The following CCAR2 variants were observed in gnomAD, a reference collection of about 807,000 sequenced individuals.
The protein encoded by CCAR2 is cell cycle and apoptosis regulator 2, also known as cell cycle and apoptosis regulator protein 2.
In CCAR2, 21 loss-of-function variants were observed where a neutral mutation model predicts 108.1. That is an observed-to-expected ratio of 0.19 (90% confidence interval 0.14 to 0.28). The LOEUF (loss-of-function observed/expected upper bound fraction) is 0.28, where lower values mean the gene tolerates loss of function less well. CCAR2 is among the 10% of genes least tolerant of loss of function. CCAR2 has a pLI of 1.00. For missense variants in CCAR2, 1,126 were observed against 1,177.0 expected (o/e 0.96, Z 0.63); for synonymous variants, 577 against 472.8 (o/e 1.22, Z -2.86).
intron 1 of CCAR2, 152 bp from the exon 2 acceptor site, chr8:22,605,584 T>G: frequency 1.7e-6 from 1 of 596,804 alleles, no homozygotes; most frequent in Non-Finnish European, 3.0e-6. Flanking sequence ...CATTTCTTTC[T>G]TCTCTATATT....
Position 22,614,381 on chromosome 8 carries a change from C to G in CCAR2, c.928-9C>G, listed in dbSNP as rs200771551. 1.2e-6 allele frequency: 2 copies of G among 1,614,012 alleles called. No individual in the cohort carries two copies. Among genetic ancestry groups the G allele is most frequent in the East Asian group, 2.2e-5 (1 of 44,894 alleles). On this transcript the variant is annotated splice_polypyrimidine_tract_variant and intron_variant, in intron 9 of 20. Transcript: ENST00000308511. ...CTGAAGGCAGCTCTGAGTGTCTCCT[C>G]CTGCACAGGTACTGCTGCTCTCTTC...
Position 22,617,752 on chromosome 8 carries a change from A to G in CCAR2, c.2047A>G (p.Met683Val). 1.2e-6 allele frequency: 2 copies of G among 1,613,882 alleles called. No homozygotes were observed. The highest frequency in any genetic ancestry group is 1.7e-6 in the Non-Finnish European group (2 of 1,180,006). ...GTCCGTTGCCTCAAACCAGTCAGAG[A>G]TGGAGTTCTCTTCACTTCAGGACAT... ...VRSVASNQSEMEFSSLQDMPK... is the reference protein window; with the variant it reads ...VRSVASNQSEVEFSSLQDMPK... Residue 683 changes from methionine to valine, a missense_variant, in exon 16 of 21, where the codon ATG becomes GTG. Coordinates refer to ENST00000308511, the MANE Select transcript of CCAR2 (RefSeq NM_001393997.1).
At position 22,617,359 on chromosome 8, in the gene CCAR2, T is replaced by C. The variant is rs555193040; in HGVS notation, c.1846-61T>C. On this transcript the variant is annotated intron_variant, in intron 14 of 20. Coordinates refer to ENST00000308511, the MANE Select transcript of CCAR2 (RefSeq NM_001393997.1). ...TTGATACTCAGGTGTCAGCCATGCT[T>C]ACTATTGGTAATTATGGTAACTGCC... 7 of 1,510,682 alleles carry C rather than the reference T, an allele frequency of 4.6e-6. No homozygotes were observed. The East Asian group carries it at 1.6e-4, about 34-fold the overall frequency. The allele number at this position is 1,510,682 out of a possible 1,614,324, so 93.6% of individuals were successfully genotyped here.
At position 22,614,824 on chromosome 8, in the gene CCAR2, A is replaced by G. The variant is rs1467174485; in HGVS notation, c.1042-14A>G. 1 of 1,613,790 alleles carries G rather than the reference A, an allele frequency of 6.2e-7. No individual in the cohort carries two copies. ...TGTAGTTTTTTGTTTTGTATCCCTG[A>G]TCTCTTCTTGCAGTTTTTGCTGGGC... On this transcript the variant is annotated splice_polypyrimidine_tract_variant and intron_variant, in intron 10 of 20. Transcript: ENST00000308511.
In CCAR2 at chr8:22,620,091, G is replaced by A; in HGVS notation, c.*409G>A. ...ACGGAACTGAAGAGCAAGACATGGA[G>A]CCTGGCTGGGGCTAAGCAGCCCCCT... On this transcript the variant is annotated 3_prime_UTR_variant, in exon 21 of 21. Transcript: ENST00000308511. The A allele has an allele frequency of 5.1e-6, 1 of 194,292 alleles. No individual in the cohort carries two copies. The highest frequency in any genetic ancestry group is 9.7e-5 in the South Asian group (1 of 10,280). The allele number at this position is 194,292 out of a possible 1,614,324, so 12.0% of individuals were successfully genotyped here.
At position 22,619,803 on chromosome 8, in the gene CCAR2, C is replaced by A; in HGVS notation, c.*121C>A. The stretch of plus-strand genomic sequence containing the variant: ...GGGAGCCAGGGCAGGGGTGGCTGAC[C>A]CCATGCTCAGCCTCTAGGGGACGGC... On this transcript the variant is annotated 3_prime_UTR_variant, in exon 21 of 21. Transcript: ENST00000308511. 9.2e-7 allele frequency: 1 copy of A among 1,091,706 alleles called. No individual in the cohort carries two copies. Among genetic ancestry groups the A allele is most frequent in the South Asian group, 1.4e-5 (1 of 72,842 alleles). The allele number at this position is 1,091,706 out of a possible 1,614,324, so 67.6% of individuals were successfully genotyped here. A position where few individuals can be genotyped will look rare whatever the true frequency, so the allele number is the denominator to read the frequency against.
At chr8:22,613,352 GTTC>G (rs1230419878) in intron 8 of CCAR2, among the ~76,000 whole-genome samples, 10 of 114,194 alleles carry the variant, frequency 8.8e-5, no homozygotes, top group Admixed American at 5.2e-4. Context: ...ATTAGATCTA[GTTC>G]TTTTTTTTTT....
At position 22,615,008 on chromosome 8, in the gene CCAR2, G is replaced by A; in HGVS notation, c.1205+7G>A. ...TGAGCGGCTGTACCAAGTGGTGAGT[G>A]GGCTTCCTGAGCCTCAGCTGCACCA... On this transcript the variant is annotated splice_region_variant and intron_variant, in intron 11 of 20. Coordinates refer to ENST00000308511, the MANE Select transcript of CCAR2 (RefSeq NM_001393997.1). 1.3e-6 allele frequency: 2 copies of A among 1,555,092 alleles called. No individual in the cohort carries two copies. The highest frequency in any genetic ancestry group is 1.7e-6 in the Non-Finnish European group (2 of 1,148,488).
At chr8:22,606,807 C>A in intron 4 of CCAR2, 103 bp from the exon 5 acceptor site, 1 of 1,481,760 alleles carries the variant, frequency 6.7e-7, no homozygotes, top group Non-Finnish European at 9.4e-7. Flanking sequence ...TGTTTTTGTG[C>A]AAGGTGTGGG....
chr8:22,605,004 C>T (rs1801010083), intron 1 of CCAR2, 162 bp downstream of exon 1: 1 of 309,180 alleles, frequency 3.2e-6, no homozygotes, highest in South Asian at 2.4e-5. Flanking sequence ...CGGCCTCGGC[C>T]TTGGGGGCGG....
Position 22,617,478 on chromosome 8 carries a change from C to T in CCAR2, c.1904C>T (p.Pro635Leu), listed in dbSNP as rs200378794. ...TCTGGGGGAGAGGAAGAAGAAAAAC[C>T]CCGGGGCGAGGCTTCTGAGGACCTG... ...LSSGGEEEEK[P>L]RGEASEDLCE... The change falls in exon 15 of 21, where the codon CCC becomes CTC. Residue 635 changes from proline (P) to leucine (L), a missense_variant. By Grantham distance (98) the Pro-to-Leu change is moderately conservative. Transcript: ENST00000308511. 1.2e-5 allele frequency: 19 copies of T among 1,603,932 alleles called. No homozygotes were observed. The South Asian group carries it at 1.9e-4, about 16-fold the overall frequency.
chr8:22,606,032 C>T (rs1801065079), intron 2 of CCAR2, 53 bp from the exon 3 acceptor site: 4 of 1,506,542 alleles, frequency 2.7e-6, no homozygotes, highest in Non-Finnish European at 2.8e-6. Context: ...TTGGTTGACT[C>T]GTGCTTAAGG....
rs1801405939 is a variant in CCAR2, at chr8:22,614,220, C to G, written c.833C>G (p.Pro278Arg). 1 of 1,614,092 alleles carries G rather than the reference C, an allele frequency of 6.2e-7. No individual in the cohort carries two copies. Among genetic ancestry groups the G allele is most frequent in the Non-Finnish European group, 8.5e-7 (1 of 1,180,048 alleles). The change falls in exon 9 of 21, where the codon CCA (proline) becomes CGA (arginine). Residue 278 changes from proline (P) to arginine (R), a missense_variant. Pro to Arg is a moderately radical substitution (Grantham distance 103). This residue lies in a region of CCAR2 where 1,013 missense variants were observed against 993.9 expected (regional missense o/e 1.02). Transcript: ENST00000308511. ...PLSQPFSLHH[P>R]SRIQVSSEKE... The stretch of plus-strand genomic sequence containing the variant: ...AGCCAGCCCTTTTCCCTCCATCATC[C>G]AAGCCGGATCCAGGTCTCTTCTGAA...
Position 22,618,356 on chromosome 8 carries a change from A to T in CCAR2, c.2081A>T (p.Glu694Val). Residue 694 changes from glutamate to valine, a missense_variant, in exon 17 of 21, where the codon GAG (glutamate) becomes GTG (valine). Coordinates refer to ENST00000308511, the MANE Select transcript of CCAR2 (RefSeq NM_001393997.1). ...TCTTTGTTTTCTTTGCAGCCCAAGG[A>T]GCTGGATCCCTCTGCTGTGCTCCCC... ...EFSSLQDMPK[E>V]LDPSAVLPLD... 1 of 1,614,190 alleles carries T rather than the reference A, an allele frequency of 6.2e-7. No homozygotes were observed. The highest frequency in any genetic ancestry group is 8.5e-7 in the Non-Finnish European group (1 of 1,180,036).
chr8:22,616,866 C>CTTTTT lies in CCAR2; in HGVS notation c.1846-528_1846-524dup, dbSNP rs36086286. 9.9e-4 allele frequency among the ~76,000 whole-genome samples: 54 copies of CTTTTT among 54,732 alleles called. 16 individuals are homozygous for CTTTTT. Among genetic ancestry groups the CTTTTT allele is most frequent in the East Asian group, 5.8e-3 (9 of 1,550 alleles). The allele number at this position is 54,732 out of a possible 152,430, so 35.9% of individuals were successfully genotyped here. On this transcript the variant is annotated intron_variant, in intron 14 of 20. Coordinates refer to ENST00000308511, the MANE Select transcript of CCAR2 (RefSeq NM_001393997.1). ...AAACCTTTTCTAAAATACTAGTCTGCTTTTTTTTTTTTTTTTTTTTTTTTT... is the reference window on the plus strand; with the variant it reads ...AAACCTTTTCTAAAATACTAGTCTGCTTTTTTTTTTTTTTTTTTTTTTTTTTTTTT...
chr8:22,621,417 G>A (rs762087866), downstream of CCAR2: 7 of 1,612,134 alleles, frequency 4.3e-6, no homozygotes, highest in East Asian at 2.2e-5. Context: ...AAGAGTGACG[G>A]GGATTCAGTC....
chr8:22,618,811 T>C lies in CCAR2; in HGVS notation c.2333-16T>C, dbSNP rs1801630022. The C allele has an allele frequency of 6.2e-7, 1 of 1,613,196 alleles. No individual in the cohort carries two copies. The highest frequency in any genetic ancestry group is 8.5e-7 in the Non-Finnish European group (1 of 1,179,666). ...TGGAGACTCCATCCTGAATTCTTTT[T>C]CACGGTTCTCTCTAGGAAACCTGGA... On this transcript the variant is annotated splice_polypyrimidine_tract_variant and intron_variant, in intron 18 of 20. Transcript: ENST00000308511.
chr8:22,605,703 T>G (rs201441237), intron 1 of CCAR2, 33 bp from the exon 2 acceptor site: 7 of 1,328,546 alleles, frequency 5.3e-6, no homozygotes, highest in Admixed American at 1.8e-5. Flanking sequence ...ATTTCCCTTA[T>G]AAGCTGTTAA....
chr8:22,606,397 C>T (rs749152822), intron 3 of CCAR2, among the ~76,000 whole-genome samples: 8 of 152,174 alleles, frequency 5.3e-5, no homozygotes, highest in Non-Finnish European at 8.8e-5. Context: ...AACTGGAAAT[C>T]CCAGAAGAAG....
Sources: gnomAD v4.1 joint callset for allele counts (sites outside exome capture counted in the v4.1 genomes callset) on GRCh38, gnomAD v4.1.1 for gene constraint, gnomAD v4.1.1 regional missense constraint, MANE v1.5 for transcripts, NCBI Gene and HGNC (gene_info 2026-07-23, HGNC 2026-07-21) for gene names.